FGD2: variants seen among roughly 807,000 people sequenced by gnomAD.
FGD2 encodes the protein FYVE, RhoGEF and PH domain-containing protein 2.
Under a neutral mutation model 75.9 loss-of-function variants are expected in FGD2, and 52 were observed. The ratio of observed to expected loss-of-function variants is 0.69; its 90% confidence interval spans 0.55 to 0.86. The LOEUF (loss-of-function observed/expected upper bound fraction) is 0.86. Ranked by LOEUF, FGD2 falls within the 40% of genes least tolerant of loss-of-function variation. The pLI is 0.00. For missense variants in FGD2, 790 were observed against 872.0 expected (o/e 0.91, Z 1.18); for synonymous variants, 347 against 348.6 (o/e 1.00, Z 0.05).
chr6:37,028,214 C>G lies in FGD2; in HGVS notation c.*51C>G, dbSNP rs772463586. 2.7e-5 allele frequency: 40 copies of G among 1,462,100 alleles called. No individual in the cohort carries two copies. In the East Asian group the frequency reaches 9.8e-4, roughly 36 times the overall value. 90.6% of individuals were successfully genotyped at this position (1,462,100 alleles called of 1,614,324 possible). A position where few individuals can be genotyped will look rare whatever the true frequency, so the allele number is the denominator to read the frequency against. On this transcript the variant is annotated 3_prime_UTR_variant, in exon 16 of 16. Transcript: ENST00000274963. Reference sequence around the variant, plus strand: ...ACCTCTCCCCACCCTGAACCCAGCTCCTGCCACAGACTGACCCTGTGGCCT... The same window carrying G: ...ACCTCTCCCCACCCTGAACCCAGCTGCTGCCACAGACTGACCCTGTGGCCT...
chr6:37,013,398 C>T (rs1213219677), intron 4 of FGD2: 1 of 1,370,472 alleles, frequency 7.3e-7, no homozygotes, highest in African/African-American at 1.5e-5. Flanking sequence ...TGAGGCCAAC[C>T]TGGGACCAGA....
At chr6:37,013,322 A>T (rs1765112898) in intron 4 of FGD2, 1 of 501,844 alleles carries the variant, frequency 2.0e-6, no homozygotes, top group Admixed American at 4.4e-5. Context: ...TTATTGTTAC[A>T]TAATGAAGCA....
chr6:37,020,402 TG>T, intron 9 of FGD2, 138 bp from the exon 10 acceptor site: 1 of 779,824 alleles, frequency 1.3e-6, no homozygotes, highest in Non-Finnish European at 2.1e-6. Context: ...ATTAGAGAGG[TG>T]GCGAACAAGC....
chr6:37,028,347 A>G lies in FGD2; in HGVS notation c.*184A>G, dbSNP rs1293466908. On this transcript the variant is annotated 3_prime_UTR_variant, in exon 16 of 16. Transcript: ENST00000274963. ...AGAAAATATGGGTCCATTCCTTTCTAGAAAGGGGACAACCAAGTGTCTCAG... is the reference window on the plus strand; with the variant it reads ...AGAAAATATGGGTCCATTCCTTTCTGGAAAGGGGACAACCAAGTGTCTCAG... The G allele has an allele frequency of 3.4e-6, 2 of 583,376 alleles. No homozygotes were observed. The highest frequency in any genetic ancestry group is 5.7e-5 in the East Asian group (2 of 34,904). 36.1% of individuals were successfully genotyped at this position (583,376 alleles called of 1,614,324 possible). A position where few individuals can be genotyped will look rare whatever the true frequency, so the allele number is the denominator to read the frequency against.
Position 37,022,346 on chromosome 6 carries a change from C to T in FGD2, c.1434C>T (p.Arg478=). ...CCTTCAACGCTCTGACGCGCCGTCG[C>T]CACCACTGCCGGGCCTGCGGCTATG... ...QEPFNALTRR[R]HHCRACGYVV... is the part of the protein sequence containing the mutation. Residue 478 remains arginine (R), a synonymous_variant, in exon 13 of 16, where the codon CGC becomes CGT. Transcript: ENST00000274963. 6.3e-7 allele frequency: 1 copy of T among 1,588,154 alleles called. No homozygotes were observed. Among genetic ancestry groups the T allele is most frequent in the South Asian group, 1.1e-5 (1 of 88,728 alleles).
intron 10 of FGD2, 43 bp downstream of exon 10, chr6:37,020,663 T>G: frequency 1.3e-6 from 2 of 1,580,990 alleles, no homozygotes; most frequent in Non-Finnish European, 1.7e-6. Context: ...GCGGGAAAAC[T>G]GGGAGGGGCT....
At chr6:37,027,105 C>T (rs1765862813) in intron 14 of FGD2, among the ~76,000 whole-genome samples, 1 of 152,220 alleles carries the variant, frequency 6.6e-6, no homozygotes, top group Admixed American at 6.5e-5. Flanking sequence ...CTAGGCAACA[C>T]AGCCTGCCCC....
At chr6:37,023,446 T>C (rs1205258475) in intron 13 of FGD2, 1 of 152,324 alleles carries the variant, frequency 6.6e-6, no homozygotes, top group Non-Finnish European at 1.5e-5. Flanking sequence ...TCTCCTCTTA[T>C]CAATCCAGGC....
chr6:37,026,450 C>T (rs1164313368), intron 14 of FGD2: 15 of 966,026 alleles, frequency 1.6e-5, no homozygotes, highest in Non-Finnish European at 1.5e-5. Context: ...TAGGAGCCAG[C>T]TCTCTGATCT....
At chr6:37,016,500 G>GC (rs1191930203) in intron 9 of FGD2, among the ~76,000 whole-genome samples, 2 of 151,266 alleles carry the variant, frequency 1.3e-5, no homozygotes, top group Non-Finnish European at 2.9e-5. Flanking sequence ...CCTCCTAACA[G>GC]CCCCATGATG....
chr6:37,027,282 G>A, intron 14 of FGD2, 147 bp from the exon 15 acceptor site: 1 of 910,388 alleles, frequency 1.1e-6, no homozygotes. Context: ...ACAGGCACTT[G>A]ATGGGACCTC....
chr6:37,011,114 C>A, intron 3 of FGD2, 64 bp downstream of exon 3: 1 of 1,477,572 alleles, frequency 6.8e-7, no homozygotes, highest in Non-Finnish European at 9.4e-7. Flanking sequence ...CACCCCTTCT[C>A]AGCCTTCCCA....
intron 15 of FGD2, 106 bp from the exon 16 acceptor site, chr6:37,027,842 G>T: frequency 1.5e-6 from 2 of 1,294,986 alleles, no homozygotes; most frequent in South Asian, 1.4e-5. Flanking sequence ...AACCCATGGG[G>T]GTTTAGGGTG....
intron 1 of FGD2, among the ~76,000 whole-genome samples, chr6:37,007,023 TACCC>T (rs1299733327): frequency 1.3e-5 from 2 of 152,070 alleles, no homozygotes; most frequent in East Asian, 3.9e-4. Flanking sequence ...GCCAATAAAT[TACCC>T]GGCAGCCCCC....
chr6:37,006,400 T>C (rs969201723), intron 1 of FGD2, among the ~76,000 whole-genome samples: 1 of 152,138 alleles, frequency 6.6e-6, no homozygotes, highest in Admixed American at 6.5e-5. Flanking sequence ...TAAGTTCATG[T>C]CCTTACTTAT....
rs533663734 is a variant in FGD2, at chr6:37,011,645, C to T, written c.379-61C>T. 2.7e-4 allele frequency: 432 copies of T among 1,607,092 alleles called. 1 individual carries two copies. In the Middle Eastern group the frequency reaches 2.7e-3, roughly 10 times the overall value. On this transcript the variant is annotated intron_variant, in intron 3 of 15. Transcript: ENST00000274963. ...AGGCTTGGTGGGACCCTAGTTCCCCCGGGCTGATGTGTGGGTGGCTCCCTG... is the reference window on the plus strand; with the variant it reads ...AGGCTTGGTGGGACCCTAGTTCCCCTGGGCTGATGTGTGGGTGGCTCCCTG...
At chr6:37,006,219 C>T (rs1346406342) in intron 1 of FGD2, among the ~76,000 whole-genome samples, 6 of 152,218 alleles carry the variant, frequency 3.9e-5, no homozygotes, top group Non-Finnish European at 7.3e-5. Context: ...CAAGAATTTA[C>T]GCCCTATGAT....
chr6:37,012,239 C>A (rs1765046331), intron 4 of FGD2, among the ~76,000 whole-genome samples: 1 of 152,190 alleles, frequency 6.6e-6, no homozygotes, highest in Non-Finnish European at 1.5e-5. Context: ...TGCAAGAAAC[C>A]CTCTTGTTTT....
intron 2 of FGD2, chr6:37,010,110 T>G (rs1292474307): frequency 6.6e-6 from 1 of 152,048 alleles, no homozygotes; most frequent in African/African-American, 2.4e-5. Flanking sequence ...GTTTTTCTAC[T>G]GGCCTCACTC....
Sources: allele counts gnomAD v4.1 joint callset (sites outside exome capture counted in the v4.1 genomes callset), GRCh38; gene constraint gnomAD v4.1.1; transcripts MANE v1.5; gene names NCBI Gene and HGNC (gene_info 2026-07-23, HGNC 2026-07-21).